DPYSL5: variants seen among roughly 807,000 people sequenced by gnomAD.
DPYSL5 encodes dihydropyrimidinase like 5, also known as dihydropyrimidinase-related protein 5.
DPYSL5 carries 9 observed loss-of-function variants against 58.4 expected under a neutral mutation model. That is an observed-to-expected ratio of 0.15 (90% CI 0.09 to 0.27). The LOEUF is 0.27. Ranked by LOEUF, DPYSL5 falls within the 10% of genes least tolerant of loss-of-function variation. DPYSL5 has a pLI of 1.00. For synonymous variants in DPYSL5, 293 were observed against 301.9 expected, an observed-to-expected ratio of 0.97 and a Z score of 0.31; for missense variants, 499 against 770.6, an observed-to-expected ratio of 0.65 and a Z score of 4.17.
chr2:26,862,807 G>A (rs1036327563), intron 1 of DPYSL5, among the ~76,000 whole-genome samples: 3 of 152,210 alleles, frequency 2.0e-5, no homozygotes, highest in African/African-American at 7.2e-5. Context: ...AGGCTGGGAC[G>A]GAGCTGTGCA....
chr2:26,920,145 G>A (rs1268285735), intron 2 of DPYSL5, among the ~76,000 whole-genome samples: 1 of 150,782 alleles, frequency 6.6e-6, no homozygotes, highest in African/African-American at 2.4e-5. Flanking sequence ...GGAATAGGAT[G>A]GAGGGCTTTA....
rs557439986 is a variant in DPYSL5, at chr2:26,886,326, G to A, written c.-4-12170G>A. On this transcript the variant is annotated intron_variant, in intron 1 of 12. Transcript: ENST00000288699. ...CATGGTCAGATGAATGAGGTGTGGA[G>A]ACTTAAACAGTAATGACATGCTGAG... 7.9e-5 allele frequency among the ~76,000 whole-genome samples: 12 copies of A among 152,260 alleles called. No individual in the cohort carries two copies. In the East Asian group the frequency reaches 2.3e-3, roughly 29 times the overall value.
chr2:26,922,449 T>C (rs1025863431), intron 2 of DPYSL5, among the ~76,000 whole-genome samples: 1 of 152,250 alleles, frequency 6.6e-6, no homozygotes, highest in African/African-American at 2.4e-5. Flanking sequence ...TTCTGTGTAA[T>C]GGTTTTTTAG....
At chr2:26,929,676 C>G (rs1664923001) in intron 5 of DPYSL5, among the ~76,000 whole-genome samples, 2 of 152,254 alleles carry the variant, frequency 1.3e-5, no homozygotes, top group Admixed American at 1.3e-4. Flanking sequence ...GCTTTGGACC[C>G]TTTCCACCAA....
Position 26,942,439 on chromosome 2 carries a change from A to C in DPYSL5, c.1233-104A>C. 6.8e-6 allele frequency: 9 copies of C among 1,327,118 alleles called. No homozygotes were observed. The highest frequency in any genetic ancestry group is 9.4e-6 in the Non-Finnish European group (9 of 960,516). The allele number at this position is 1,327,118 out of a possible 1,614,324, so 82.2% of individuals were successfully genotyped here. On this transcript the variant is annotated intron_variant, in intron 10 of 12. Coordinates refer to ENST00000288699, the MANE Select transcript of DPYSL5 (RefSeq NM_020134.4). This position sits in a 1 kb window ranked among gnomAD's most constrained non-coding sequence, Gnocchi z 5.9. ...AGCAGAAGAATTTTGAAGGGAGCCA[A>C]TTCAACCCATAACAACCAGCCTTTG...
At chr2:26,932,208 A>AAAGAAAGAAAGAAAAG (rs1178078504) in intron 6 of DPYSL5, among the ~76,000 whole-genome samples, 9 of 70,220 alleles carry the variant, frequency 1.3e-4, no homozygotes, top group East Asian at 3.8e-4. Flanking sequence ...AGAAAGAAAG[A>AAAGAAAGAAAGAAAAG]AAAGAAAGAA....
In DPYSL5 at chr2:26,867,027, C is replaced by A. The variant is rs540624140; in HGVS notation, c.-5+18773C>A. ...GGGATTACAGGTGTGAGCCACCGAG[C>A]CTGGACTAAAAATTAATGAGACTCT... On this transcript the variant is annotated intron_variant, in intron 1 of 12. Transcript: ENST00000288699. Among the ~76,000 whole-genome samples the A allele has an allele frequency of 1.2e-4, 18 of 152,154 alleles. 1 individual carries two copies. The South Asian group carries it at 3.7e-3, about 32-fold the overall frequency.
Position 26,924,967 on chromosome 2 carries a change from G to T in DPYSL5, c.342G>T (p.Glu114Asp). 6.2e-7 allele frequency: 1 copy of T among 1,614,182 alleles called. No individual in the cohort carries two copies. The highest frequency in any genetic ancestry group is 1.1e-5 in the South Asian group (1 of 91,082). Reference sequence around the variant, plus strand: ...AGACCTCCCTTGTGGACGCTTATGAGAAGTGCCGAGGTCTGGCCGACCCCA... The same window carrying T: ...AGACCTCCCTTGTGGACGCTTATGATAAGTGCCGAGGTCTGGCCGACCCCA... The part of the protein sequence containing the change: ...DKETSLVDAY[E>D]KCRGLADPKV... The change falls in exon 3 of 13, where the codon GAG becomes GAT. Residue 114 changes from glutamate (E) to aspartate (D), a missense_variant. Transcript: ENST00000288699. The surrounding 1 kb of genome is among the most constrained non-coding windows in gnomAD (Gnocchi z 4.7).
chr2:26,892,437 G>A (rs775818947), intron 1 of DPYSL5, among the ~76,000 whole-genome samples: 2 of 152,206 alleles, frequency 1.3e-5, no homozygotes, highest in Admixed American at 6.5e-5. Flanking sequence ...TTACGAGCAT[G>A]TAAGCAAACC....
At chr2:26,929,669 T>C (rs1289105103) in intron 5 of DPYSL5, among the ~76,000 whole-genome samples, 1 of 152,244 alleles carries the variant, frequency 6.6e-6, no homozygotes, top group Non-Finnish European at 1.5e-5. Context: ...GACTGCCGCT[T>C]TGGACCCTTT....
At chr2:26,909,974 A>G (rs1345978362) in intron 2 of DPYSL5, among the ~76,000 whole-genome samples, 1 of 152,222 alleles carries the variant, frequency 6.6e-6, no homozygotes, top group Non-Finnish European at 1.5e-5. Context: ...ACAATATAAT[A>G]AACATATCCA....
intron 12 of DPYSL5, among the ~76,000 whole-genome samples, chr2:26,945,543 G>A (rs3769135): frequency 0.4 from 54,101 of 136,168 alleles, 10,535 homozygotes; most frequent in Admixed American, 0.57. Flanking sequence ...TGCGAGCCAC[G>A]GGCTCATAAA....
At chr2:26,868,839 C>G (rs911429963) in intron 1 of DPYSL5, among the ~76,000 whole-genome samples, 1 of 152,214 alleles carries the variant, frequency 6.6e-6, no homozygotes, top group Non-Finnish European at 1.5e-5. Context: ...GTATTCACTT[C>G]TATATACTAA....
chr2:26,911,079 G>GTTTTT (rs57441106), intron 2 of DPYSL5, among the ~76,000 whole-genome samples: 4 of 100,408 alleles, frequency 4.0e-5, no homozygotes, highest in Admixed American at 1.1e-4. Flanking sequence ...TCTATGTTCA[G>GTTTTT]TTTTTTTTTT....
At chr2:26,931,169 A>ATGTGTGTGTGTGTGTG (rs1324624030) in intron 5 of DPYSL5, among the ~76,000 whole-genome samples, 10 of 45,702 alleles carry the variant, frequency 2.2e-4, no homozygotes, top group Admixed American at 9.1e-4. Context: ...ATATATATAT[A>ATGTGTGTGTGTGTGTG]TGTGTGTGTG....
In DPYSL5 at chr2:26,850,036, T is replaced by C. The variant is rs976768209; in HGVS notation, c.-5+1782T>C. 1.9e-4 allele frequency among the ~76,000 whole-genome samples: 29 copies of C among 152,084 alleles called. 1 individual carries two copies. The highest frequency in any genetic ancestry group is 7.4e-5 in the Non-Finnish European group (5 of 68,018). ...GCGCGGGTTCCCCCGAGCAGCGGCT[T>C]TGTCTGCCGAGGCGGCCGTAGTCTA... On this transcript the variant is annotated intron_variant, in intron 1 of 12. Transcript: ENST00000288699.
In DPYSL5 at chr2:26,898,383, C is replaced by T. The variant is rs1041012124; in HGVS notation, c.-4-113C>T. ...CCGCTGGCTGTAGGGGAAAGTTCCTCCTCTTCTCTGCTCACTTACCCTGAC... is the reference window on the plus strand; with the variant it reads ...CCGCTGGCTGTAGGGGAAAGTTCCTTCTCTTCTCTGCTCACTTACCCTGAC... On this transcript the variant is annotated intron_variant, in intron 1 of 12. Transcript: ENST00000288699. This position sits in a 1 kb window ranked among gnomAD's most constrained non-coding sequence, Gnocchi z 6.1. 7 of 1,455,656 alleles carry T rather than the reference C, an allele frequency of 4.8e-6. No individual in the cohort carries two copies. The South Asian group carries it at 5.4e-5, about 11-fold the overall frequency. The allele number at this position is 1,455,656 out of a possible 1,614,324, so 90.2% of individuals were successfully genotyped here.
intron 2 of DPYSL5, among the ~76,000 whole-genome samples, chr2:26,912,681 G>T (rs953304647): frequency 5.3e-5 from 8 of 152,216 alleles, no homozygotes; most frequent in Admixed American, 2.0e-4. Context: ...AGCCGGCTCC[G>T]TACTGTGGCT....
At chr2:26,941,307 G>A (rs1665317131) in intron 9 of DPYSL5, among the ~76,000 whole-genome samples, 1 of 152,190 alleles carries the variant, frequency 6.6e-6, no homozygotes, top group Admixed American at 6.5e-5. Context: ...CAAGGGATGT[G>A]AACATTTTTA....
Sources: allele counts gnomAD v4.1 joint callset (sites outside exome capture counted in the v4.1 genomes callset), GRCh38; gene constraint gnomAD v4.1.1; non-coding constraint Gnocchi (gnomAD v3.1); transcripts MANE v1.5; gene names NCBI Gene and HGNC (gene_info 2026-07-23, HGNC 2026-07-21).